The following NCKAP5L variants were observed in gnomAD, a reference collection of about 807,000 sequenced individuals.
The protein encoded by NCKAP5L is NCK associated protein 5 like.
In NCKAP5L, 54 loss-of-function variants were observed where a neutral mutation model predicts 103.2. That is an observed-to-expected ratio of 0.52 (90% CI 0.42 to 0.66). NCKAP5L has a LOEUF of 0.66. Ranked by LOEUF, NCKAP5L falls within the 30% of genes least tolerant of loss-of-function variation. The probability of loss-of-function intolerance (pLI) is 0.00; values close to 1 mark genes in which losing one functional copy is unlikely to be tolerated. For missense variants in NCKAP5L, 1,733 were observed against 1,750.6 expected, an observed-to-expected ratio of 0.99 and a Z score of 0.18; for synonymous variants, 762 against 748.6, an observed-to-expected ratio of 1.02 and a Z score of -0.29.
intron 5 of NCKAP5L, 76 bp from the exon 6 acceptor site, chr12:49,802,043 C>A: frequency 6.4e-7 from 1 of 1,568,664 alleles, no homozygotes; most frequent in South Asian, 1.1e-5. Flanking sequence ...TTCATCAGAG[C>A]AGCGGCATCT....
At position 49,808,371 on chromosome 12, in the gene NCKAP5L, T is replaced by C. The variant is rs147268766; in HGVS notation, c.-98-2330A>G. ...GAGGGGGTCTGGGGTCAGCCCAGGA[T>C]GAGGGGGCCTCCTCTGCATCTGCAG... On this transcript the variant is annotated intron_variant, in intron 1 of 12. Coordinates refer to ENST00000335999, the MANE Select transcript of NCKAP5L (RefSeq NM_001037806.4). Among the ~76,000 whole-genome samples, 607 of 152,192 alleles carry C rather than the reference T, an allele frequency of 4.0e-3. 2 individuals are homozygous for C. Among genetic ancestry groups the C allele is most frequent in the Admixed American group, 0.01 (157 of 15,290 alleles).
chr12:49,796,398 AG>A lies in NCKAP5L; in HGVS notation c.1461del (p.Cys488ValfsTer100). ...SPQLPRNSRI[P>X]CRNSGSDGSP... Reference sequence around the variant, plus strand: ...CTGCCGTCTGAGCCACTGTTCCGACAGGGGATTCGCGAGTTCCGGGGGAGCT... The same window carrying A: ...CTGCCGTCTGAGCCACTGTTCCGACAGGGATTCGCGAGTTCCGGGGGAGCT... On this transcript the variant is annotated frameshift_variant, in exon 8 of 13. Transcript: ENST00000335999. LOFTEE classifies it high-confidence loss of function. 2 of 1,579,334 alleles carry A rather than the reference AG, an allele frequency of 1.3e-6. No homozygotes were observed.
chr12:49,801,986 A>G lies in NCKAP5L; in HGVS notation c.232-19T>C, dbSNP rs1592752449. On this transcript the variant is annotated intron_variant, in intron 5 of 12. Transcript: ENST00000335999. ...GCAGGTCCTGCCGCCCACCCCGGGA[A>G]GTGCAGGAAGAAGAGGTGAGGATGG... The G allele has an allele frequency of 3.1e-6, 5 of 1,612,978 alleles. No homozygotes were observed. In the East Asian group the frequency reaches 1.1e-4, roughly 36 times the overall value.
At chr12:49,806,395 T>G (rs1946180413) in intron 1 of NCKAP5L, among the ~76,000 whole-genome samples, 1 of 152,248 alleles carries the variant, frequency 6.6e-6, no homozygotes, top group South Asian at 2.1e-4. Context: ...ATACATTGTC[T>G]TGCCTCGTGC....
At position 49,792,928 on chromosome 12, in the gene NCKAP5L, G is replaced by A; in HGVS notation, c.3399C>T (p.Asp1133=). The A allele has an allele frequency of 6.4e-7, 1 of 1,556,314 alleles. No homozygotes were observed. Among genetic ancestry groups the A allele is most frequent in the Non-Finnish European group, 8.6e-7 (1 of 1,158,974 alleles). The change falls in exon 11 of 13, where the codon GAC becomes GAT. Residue 1133 remains aspartate, a synonymous_variant. Transcript: ENST00000335999. This position sits in a 1 kb window ranked among gnomAD's most constrained non-coding sequence, Gnocchi z 4.5. ...DSGIGTFPPP[D]HGSSGTPSKN... ...TGCTGGGGGTCCCACTGCTACCATG[G>A]TCTGGGGGTGGGAAGGTCCCAATGC...
rs375669156 is a variant in NCKAP5L at position 49,796,219 on chromosome 12, G to A, written c.1641C>T (p.Ser547=). The A allele has an allele frequency of 3.8e-6, 6 of 1,588,194 alleles. No homozygotes were observed. The African/African-American group carries it at 4.0e-5, about 11-fold the overall frequency. Residue 547 remains serine, a synonymous_variant, in exon 8 of 13, where the codon TCC becomes TCT. Transcript: ENST00000335999. The part of the protein sequence containing the change: ...PPQSALSTTL[S]PGPVVSPCYE... ...AGCAGGGAGACACCACTGGGCCTGG[G>A]GACAGCGTGGTGGACAAGGCTGACT...
chr12:49,803,069 C>T (rs373971481), intron 4 of NCKAP5L, 28 bp downstream of exon 4: 1 of 1,614,062 alleles, frequency 6.2e-7, no homozygotes, highest in African/African-American at 1.3e-5. Context: ...GAGCCACATC[C>T]CCCCAGTCCC....
Position 49,797,086 on chromosome 12 carries a change from C to T in NCKAP5L, c.774G>A (p.Glu258=), listed in dbSNP as rs1362953563. 1 of 1,584,742 alleles carries T rather than the reference C, an allele frequency of 6.3e-7. No individual in the cohort carries two copies. Among genetic ancestry groups the T allele is most frequent in the Non-Finnish European group, 8.6e-7 (1 of 1,165,926 alleles). ...CCCCTCCCAGACCCCCCAAGAGGCG[C>T]TCCCAGTGCAGCAGGCCTCCCAGGT... ...PGNLGGLLHW[E]RLLGGLGGEE... The change falls in exon 8 of 13, where the codon GAG becomes GAA. Residue 258 remains glutamate, a synonymous_variant. Transcript: ENST00000335999. This position sits in a 1 kb window ranked among gnomAD's most constrained non-coding sequence, Gnocchi z 4.5.
Position 49,792,059 on chromosome 12 carries a change from A to G in NCKAP5L, c.3793-8T>C. ...CCGGTCCACGGGCAGGGCCTGGGAA[A>G]GGAGGGGCAGCTCGGGAGGAAGCTC... On this transcript the variant is annotated splice_region_variant and splice_polypyrimidine_tract_variant and intron_variant, in intron 12 of 12. Transcript: ENST00000335999. The surrounding 1 kb of genome is among the most constrained non-coding windows in gnomAD (Gnocchi z 4.5). The G allele has an allele frequency of 6.6e-7, 1 of 1,525,540 alleles. No individual in the cohort carries two copies. Among genetic ancestry groups the G allele is most frequent in the Non-Finnish European group, 8.8e-7 (1 of 1,141,362 alleles). 94.5% of individuals were successfully genotyped at this position (1,525,540 alleles called of 1,614,324 possible). A position where few individuals can be genotyped will look rare whatever the true frequency, so the allele number is the denominator to read the frequency against.
At chr12:49,808,820 A>C (rs955367568) in intron 1 of NCKAP5L, among the ~76,000 whole-genome samples, 1 of 152,176 alleles carries the variant, frequency 6.6e-6, no homozygotes, top group Admixed American at 6.5e-5. Context: ...CTCTGGTTTC[A>C]GACATTCCTC....
chr12:49,822,395 C>A (rs1210686365), intron 1 of NCKAP5L, among the ~76,000 whole-genome samples: 2 of 151,916 alleles, frequency 1.3e-5, no homozygotes, highest in Non-Finnish European at 1.5e-5. Flanking sequence ...GGTAAGGCAA[C>A]AAATACAGTA....
intron 1 of NCKAP5L, among the ~76,000 whole-genome samples, chr12:49,808,616 C>T (rs1392970095): frequency 2.0e-5 from 3 of 152,218 alleles, no homozygotes; most frequent in African/African-American, 4.8e-5. Context: ...GAATGTGGCC[C>T]TCTGGAGTCT....
In NCKAP5L at chr12:49,796,241, G is replaced by A; in HGVS notation, c.1619C>T (p.Ser540Leu). The change falls in exon 8 of 13, where the codon TCA becomes TTA. Residue 540 changes from serine to leucine, a missense_variant. Ser to Leu is a moderately radical substitution (Grantham distance 145). Coordinates refer to ENST00000335999, the MANE Select transcript of NCKAP5L (RefSeq NM_001037806.4). ...PDSTQLRPPQ[S>L]ALSTTLSPGP... Reference sequence around the variant, plus strand: ...TGGGGACAGCGTGGTGGACAAGGCTGACTGCGGGGGTCTGAGCTGTGTGGA... The same window carrying A: ...TGGGGACAGCGTGGTGGACAAGGCTAACTGCGGGGGTCTGAGCTGTGTGGA... The A allele has an allele frequency of 6.3e-7, 1 of 1,575,160 alleles. No homozygotes were observed. Among genetic ancestry groups the A allele is most frequent in the Non-Finnish European group, 8.6e-7 (1 of 1,161,164 alleles).
At chr12:49,827,429 C>T (rs1378171716) in intron 1 of NCKAP5L, among the ~76,000 whole-genome samples, 1 of 152,236 alleles carries the variant, frequency 6.6e-6, no homozygotes, top group Non-Finnish European at 1.5e-5. Flanking sequence ...CCTGGAAAAC[C>T]AGGCCTGTGG....
rs755271575 is a variant in NCKAP5L at position 49,797,389 on chromosome 12, A to G, written c.471T>C (p.Cys157=). 4.4e-6 allele frequency: 7 copies of G among 1,602,272 alleles called. No homozygotes were observed. Among genetic ancestry groups the G allele is most frequent in the South Asian group, 3.3e-5 (3 of 89,706 alleles). The change falls in exon 8 of 13, where the codon TGT becomes TGC. Residue 157 remains cysteine, a synonymous_variant. Coordinates refer to ENST00000335999, the MANE Select transcript of NCKAP5L (RefSeq NM_001037806.4). This position sits in a 1 kb window ranked among gnomAD's most constrained non-coding sequence, Gnocchi z 4.5. Reference sequence around the variant, plus strand: ...CTCCTGGCCTCAGCTGCTGCTCCCAACATACCTTAGGGGAGAGATGATGGC... The same window carrying G: ...CTCCTGGCCTCAGCTGCTGCTCCCAGCATACCTTAGGGGAGAGATGATGGC... ...LGHCAGQREV[C]WEQQLRPGGP...
Position 49,797,280 on chromosome 12 carries a change from G to A in NCKAP5L, c.580C>T (p.Leu194=). The A allele has an allele frequency of 6.2e-7, 1 of 1,613,550 alleles. No homozygotes were observed. Among genetic ancestry groups the A allele is most frequent in the Non-Finnish European group, 8.5e-7 (1 of 1,179,832 alleles). Residue 194 remains leucine, a synonymous_variant, in exon 8 of 13, where the codon CTG becomes TTG. Coordinates refer to ENST00000335999, the MANE Select transcript of NCKAP5L (RefSeq NM_001037806.4). The surrounding 1 kb of genome is among the most constrained non-coding windows in gnomAD (Gnocchi z 4.5). The stretch of plus-strand genomic sequence containing the variant: ...GGGTCAGTCTCTTCCAGGGCTCTCA[G>A]CACCTCCAGAATCTGGGCCTTCTTC... ...LRKKAQILEV[L]RALEETDPLL...
Position 49,795,934 on chromosome 12 carries a change from G to A in NCKAP5L, c.1926C>T (p.Ser642=). The A allele has an allele frequency of 6.5e-7, 1 of 1,528,720 alleles. No homozygotes were observed. Among genetic ancestry groups the A allele is most frequent in the Non-Finnish European group, 8.7e-7 (1 of 1,144,968 alleles). The allele number at this position is 1,528,720 out of a possible 1,614,324, so 94.7% of individuals were successfully genotyped here. A position where few individuals can be genotyped will look rare whatever the true frequency, so the allele number is the denominator to read the frequency against. The change falls in exon 8 of 13, where the codon TCC becomes TCT. Residue 642 remains serine (S), a synonymous_variant. Transcript: ENST00000335999. ...GTCCTGACCCCTGGCTGGGCTTCTT[G>A]GATGAGTTGCCTGGGGTCCTGCGGC... ...HPGRRTPGNS[S]KKPSQGSGRR... is the part of the protein sequence containing the mutation.
intron 9 of NCKAP5L, 52 bp from the exon 10 acceptor site, chr12:49,793,485 C>T (rs907167776): frequency 4.5e-6 from 7 of 1,554,264 alleles, no homozygotes. Context: ...CTCCACACCC[C>T]TCCCCATGCC....
At chr12:49,810,442 A>T (rs185191876) in intron 1 of NCKAP5L, among the ~76,000 whole-genome samples, 90 of 152,130 alleles carry the variant, frequency 5.9e-4, no homozygotes, top group Non-Finnish European at 9.7e-4. Flanking sequence ...CCCCGAGATG[A>T]GTTTCTTCAC....
Sources: gnomAD v4.1 joint callset for allele counts (sites outside exome capture counted in the v4.1 genomes callset) on GRCh38, gnomAD v4.1.1 for gene constraint, Gnocchi (gnomAD v3.1) non-coding constraint, MANE v1.5 for transcripts, NCBI Gene and HGNC (gene_info 2026-07-23, HGNC 2026-07-21) for gene names.